STPG2: variants seen among roughly 807,000 people sequenced by gnomAD.
STPG2 encodes the protein sperm tail PG-rich repeat containing 2.
Under a neutral mutation model 54.2 loss-of-function variants are expected in STPG2, and 56 were observed. The ratio of observed to expected loss-of-function variants is 1.03; its 90% CI spans 0.83 to 1.29. The LOEUF is 1.29. Among genes scored for constraint, STPG2 ranks in the 50% most tolerant of loss-of-function variants. STPG2 has a pLI of 0.00. For synonymous variants in STPG2, 200 were observed against 181.8 expected, an observed-to-expected ratio of 1.10 and a Z score of -0.81; for missense variants, 596 against 544.9, an observed-to-expected ratio of 1.09 and a Z score of -0.93.
intron 5 of STPG2, among the ~76,000 whole-genome samples, chr4:98,043,603 C>T (rs918153840): frequency 6.6e-5 from 10 of 152,096 alleles, no homozygotes; most frequent in Non-Finnish European, 1.3e-4. Flanking sequence ...CCTCTCCTCC[C>T]GCATATTATA....
intron 4 of STPG2, among the ~76,000 whole-genome samples, chr4:97,552,683 C>CA (rs1484066384): frequency 6.6e-6 from 1 of 151,760 alleles, no homozygotes; most frequent in Non-Finnish European, 1.5e-5. Context: ...TTTTAAAATC[C>CA]AAGAAAACTA....
intron 8 of STPG2, among the ~76,000 whole-genome samples, chr4:97,911,573 G>A (rs1455163173): frequency 6.6e-6 from 1 of 152,154 alleles, no homozygotes; most frequent in East Asian, 1.9e-4. Context: ...GTGGCAAATC[G>A]TGGCCAGACT....
intron 4 of STPG2, among the ~76,000 whole-genome samples, chr4:97,442,048 A>G (rs1729098736): frequency 6.6e-6 from 1 of 151,902 alleles, no homozygotes; most frequent in Non-Finnish European, 1.5e-5. Flanking sequence ...TAGCAGAAAT[A>G]CCTTTTTTTT....
chr4:97,758,026 T>G (rs1560516448), intron 9 of STPG2, among the ~76,000 whole-genome samples: 1 of 152,224 alleles, frequency 6.6e-6, no homozygotes, highest in Non-Finnish European at 1.5e-5. Flanking sequence ...ATTATTTTCC[T>G]ACATAATTTG....
chr4:97,446,998 T>C (rs1053741938), intron 4 of STPG2, among the ~76,000 whole-genome samples: 10 of 152,154 alleles, frequency 6.6e-5, no homozygotes, highest in South Asian at 6.2e-4. Flanking sequence ...CAGAAGAAGA[T>C]AGGAAGATGA....
intron 4 of STPG2, among the ~76,000 whole-genome samples, chr4:97,501,620 A>T (rs964597257): frequency 6.6e-6 from 1 of 151,826 alleles, no homozygotes; most frequent in Non-Finnish European, 1.5e-5. Context: ...GCTTGAGCCC[A>T]GGAGGTCAAG....
At chr4:97,603,845 G>C (rs775952316) in intron 10 of STPG2, among the ~76,000 whole-genome samples, 1 of 151,576 alleles carries the variant, frequency 6.6e-6, no homozygotes, top group Non-Finnish European at 1.5e-5. Context: ...GGGAGAGATG[G>C]TGAGTTGCTT....
intron 8 of STPG2, among the ~76,000 whole-genome samples, chr4:97,884,862 T>C (rs982117157): frequency 1.3e-5 from 2 of 152,206 alleles, no homozygotes; most frequent in African/African-American, 4.8e-5. Context: ...TCTTCTGACC[T>C]ACCTTTTCCT....
At chr4:97,478,298 C>T (rs576880736) in intron 4 of STPG2, among the ~76,000 whole-genome samples, 30 of 152,064 alleles carry the variant, frequency 2.0e-4, no homozygotes, top group Non-Finnish European at 3.1e-4. Context: ...AAATATAAAA[C>T]GAACTAATAG....
chr4:97,893,853 C>A (rs1730857463), intron 8 of STPG2, among the ~76,000 whole-genome samples: 1 of 151,832 alleles, frequency 6.6e-6, no homozygotes, highest in African/African-American at 2.4e-5. Context: ...CTCTAGACAC[C>A]TGTGTTACAT....
chr4:97,535,331 G>T (rs925664105), intron 4 of STPG2, among the ~76,000 whole-genome samples: 1 of 152,156 alleles, frequency 6.6e-6, no homozygotes, highest in African/African-American at 2.4e-5. Context: ...GCAAGTCCAT[G>T]AATATGTAGT....
intron 8 of STPG2, among the ~76,000 whole-genome samples, chr4:97,872,473 C>T (rs1020537655): frequency 6.6e-6 from 1 of 150,828 alleles, no homozygotes; most frequent in African/African-American, 2.4e-5. Flanking sequence ...CATACACAAA[C>T]AATTATTAAT....
chr4:97,801,099 G>A (rs2149089814), intron 9 of STPG2, among the ~76,000 whole-genome samples: 1 of 152,280 alleles, frequency 6.6e-6, no homozygotes, highest in African/African-American at 2.4e-5. Flanking sequence ...TCTTGGCTAG[G>A]AAAGGGAATT....
intron 8 of STPG2, among the ~76,000 whole-genome samples, chr4:97,918,070 T>TA (rs147489267): frequency 0.17 from 25,750 of 151,236 alleles, 2,373 homozygotes; most frequent in East Asian, 0.36. Context: ...ATAAGGAAGA[T>TA]AAAAAAAAAC....
At chr4:98,013,954 C>T (rs777931682) in intron 5 of STPG2, among the ~76,000 whole-genome samples, 23 of 151,204 alleles carry the variant, frequency 1.5e-4, no homozygotes, top group Non-Finnish European at 3.1e-4. Flanking sequence ...AAGAGTTTTT[C>T]ATGTCTCTAT....
rs182962530 is a variant in STPG2 at position 97,561,776 on chromosome 4, C to A, written c.1321-2659G>T. 2.2e-3 allele frequency among the ~76,000 whole-genome samples: 330 copies of A among 152,226 alleles called. 1 individual carries two copies. Among genetic ancestry groups the A allele is most frequent in the Non-Finnish European group, 3.2e-3 (217 of 68,020 alleles). ...AGATATGCAGCGTTATTTCTGGGGG[C>A]TAAGTTCTGTTCCATTGATCTATAT... On this transcript the variant is annotated intron_variant, in intron 10 of 10. Coordinates refer to ENST00000295268, the MANE Select transcript of STPG2 (RefSeq NM_174952.3).
intron 5 of STPG2, among the ~76,000 whole-genome samples, chr4:98,024,214 T>C (rs1190628447): frequency 2.0e-5 from 3 of 152,210 alleles, no homozygotes; most frequent in Non-Finnish European, 4.4e-5. Context: ...CCTAGTTTCA[T>C]GTAGTATCTT....
chr4:97,564,448 T>A (rs1344425517), intron 10 of STPG2, among the ~76,000 whole-genome samples: 1 of 152,178 alleles, frequency 6.6e-6, no homozygotes, highest in Non-Finnish European at 1.5e-5. Context: ...AAGTTAATAT[T>A]GTTATGTGTG....
intron 10 of STPG2, among the ~76,000 whole-genome samples, chr4:97,608,937 G>C (rs893438989): frequency 1.3e-5 from 2 of 151,954 alleles, no homozygotes; most frequent in Non-Finnish European, 2.9e-5. Flanking sequence ...ACAAACTCTA[G>C]AATTACAGCA....
Sources: allele counts gnomAD v4.1 joint callset (sites outside exome capture counted in the v4.1 genomes callset), GRCh38; gene constraint gnomAD v4.1.1; transcripts MANE v1.5; gene names NCBI Gene and HGNC (gene_info 2026-07-23, HGNC 2026-07-21).